FBXO38: variants seen among roughly 807,000 people sequenced by gnomAD.
FBXO38 encodes the protein F-box protein 38.
Under a neutral mutation model 131.9 loss-of-function variants are expected in FBXO38, and 53 were observed. The ratio of observed to expected loss-of-function variants is 0.40; its 90% CI spans 0.32 to 0.51. The LOEUF is 0.51. Among genes scored for constraint, FBXO38 ranks in the 20% least tolerant of loss-of-function variants. The pLI is 0.53. For synonymous variants in FBXO38, 452 were observed against 505.6 expected, an observed-to-expected ratio of 0.89 and a Z score of 1.42; for missense variants, 1,076 against 1,475.6, an observed-to-expected ratio of 0.73 and a Z score of 4.44.
intron 1 of FBXO38, among the ~76,000 whole-genome samples, chr5:148,385,620 T>TTTTTG (rs1475112797): frequency 3.3e-5 from 5 of 151,574 alleles, no homozygotes; most frequent in African/African-American, 9.7e-5. Flanking sequence ...TGTTGGGGGG[T>TTTTTG]TTTTGTTTTG....
At chr5:148,396,319 AGAAAG>A (rs1461537099) in intron 2 of FBXO38, among the ~76,000 whole-genome samples, 2 of 152,216 alleles carry the variant, frequency 1.3e-5, no homozygotes, top group Non-Finnish European at 2.9e-5. Context: ...GTTTTGGAAA[AGAAAG>A]CTGGACAGTT....
At chr5:148,419,903 A>C (rs994657793) in intron 12 of FBXO38, among the ~76,000 whole-genome samples, 1 of 152,084 alleles carries the variant, frequency 6.6e-6, no homozygotes, top group African/African-American at 2.4e-5. Flanking sequence ...AAAGCTATTT[A>C]ATTTGTATAA....
At chr5:148,388,924 C>A (rs1372524033) in intron 1 of FBXO38, among the ~76,000 whole-genome samples, 1 of 152,242 alleles carries the variant, frequency 6.6e-6, no homozygotes, top group South Asian at 2.1e-4. Flanking sequence ...AACATGACTT[C>A]CTCACTAAGG....
intron 1 of FBXO38, chr5:148,384,727 T>C (rs1757821638): frequency 6.6e-6 from 1 of 152,252 alleles, no homozygotes; most frequent in Non-Finnish European, 1.5e-5. Context: ...AGAATTTGAC[T>C]AAGAGATGTC....
chr5:148,385,543 C>G (rs1431339194), intron 1 of FBXO38, among the ~76,000 whole-genome samples: 2 of 152,218 alleles, frequency 1.3e-5, no homozygotes, highest in African/African-American at 4.8e-5. Context: ...CTAGGCCTCA[C>G]TTTCCTTATC....
chr5:148,425,438 G>A (rs1753657746), intron 13 of FBXO38, 84 bp from the exon 14 acceptor site: 2 of 1,079,260 alleles, frequency 1.9e-6, no homozygotes, highest in Admixed American at 4.2e-5. Flanking sequence ...CATCTCTGTT[G>A]ATTCCAGATC....
intron 1 of FBXO38, among the ~76,000 whole-genome samples, chr5:148,387,338 A>G (rs1035522651): frequency 1.3e-5 from 2 of 152,204 alleles, no homozygotes; most frequent in Non-Finnish European, 2.9e-5. Flanking sequence ...TTCAAGTTTT[A>G]TCATGAGATT....
chr5:148,384,108 G>C (rs1757781906), intron 1 of FBXO38, 69 bp downstream of exon 1: 1 of 153,056 alleles, frequency 6.5e-6, no homozygotes, highest in Non-Finnish European at 1.5e-5. Flanking sequence ...CGTGCGGCAG[G>C]GCTGAGGTAG....
At chr5:148,405,740 C>G (rs1752412731) in intron 6 of FBXO38, among the ~76,000 whole-genome samples, 1 of 152,160 alleles carries the variant, frequency 6.6e-6, no homozygotes, top group African/African-American at 2.4e-5. Flanking sequence ...CTTTTCTCCT[C>G]TTTCTTTTTC....
chr5:148,437,872 C>G (rs1416355435), intron 17 of FBXO38, among the ~76,000 whole-genome samples: 2 of 150,894 alleles, frequency 1.3e-5, no homozygotes. Context: ...AGCTTTAGAC[C>G]AAAGTATCCA....
chr5:148,416,163 T>C (rs998514819), intron 11 of FBXO38, 93 bp downstream of exon 11: 41 of 1,282,284 alleles, frequency 3.2e-5, no homozygotes, highest in Non-Finnish European at 4.0e-5. Context: ...TTCAATGATA[T>C]GCCTTTACGG....
Position 148,427,875 on chromosome 5 carries a change from G to A in FBXO38, c.2581G>A (p.Glu861Lys), listed in dbSNP as rs1753817562. The A allele has an allele frequency of 6.4e-7, 1 of 1,568,474 alleles. No homozygotes were observed. The highest frequency in any genetic ancestry group is 8.6e-7 in the Non-Finnish European group (1 of 1,159,972). The change falls in exon 15 of 22, where the codon GAA becomes AAA. Residue 861 changes from glutamate (E) to lysine (K), a missense_variant. Physicochemically the swap from Glu to Lys is moderately conservative, Grantham distance 56. Around this residue, in one of 8 missense-constraint regions of FBXO38, gnomAD observed 282 missense variants for 418.8 expected, o/e 0.67. Transcript: ENST00000340253. ...TGAGAGTTGTGACGTGCAGTCTAAT[G>A]AAGACTACCCTCGGAGGCCCCTAAC... ...QPESCDVQSN[E>K]DYPRRPLTRA... is the part of the protein sequence containing the mutation.
intron 10 of FBXO38, 53 bp downstream of exon 10, chr5:148,414,359 A>G: frequency 7.3e-7 from 1 of 1,364,820 alleles, no homozygotes; most frequent in Non-Finnish European, 9.9e-7. Context: ...AAATAATACA[A>G]CTTTCCATGT....
intron 5 of FBXO38, among the ~76,000 whole-genome samples, chr5:148,404,435 A>G (rs1171363991): frequency 2.0e-5 from 3 of 152,192 alleles, no homozygotes; most frequent in Admixed American, 6.5e-5. Context: ...ACATAGAAAT[A>G]CTTTTTAAAC....
At chr5:148,428,801 G>T (rs1753869229) in intron 15 of FBXO38, among the ~76,000 whole-genome samples, 1 of 152,272 alleles carries the variant, frequency 6.6e-6, no homozygotes, top group Non-Finnish European at 1.5e-5. Context: ...AAGCTTTCAT[G>T]AGATACATTT....
intron 9 of FBXO38, among the ~76,000 whole-genome samples, chr5:148,412,579 G>A (rs908447596): frequency 3.3e-5 from 5 of 152,054 alleles, no homozygotes; most frequent in Non-Finnish European, 5.9e-5. Context: ...TGATAGAGAC[G>A]TATAACTCAG....
rs369142719 is a variant in FBXO38 at position 148,433,740 on chromosome 5, A to G, written c.2857+3A>G. ...TCCAAAGATGATGTTCATCCATGGT[A>G]TGTATTTGGGCCCATATTATACAAG... On this transcript the variant is annotated splice_donor_region_variant and intron_variant, in intron 17 of 21. Transcript: ENST00000340253. 6 of 1,558,262 alleles carry G rather than the reference A, an allele frequency of 3.9e-6. No individual in the cohort carries two copies. The African/African-American group carries it at 8.2e-5, about 21-fold the overall frequency.
At chr5:148,392,434 A>C (rs1169950196) in intron 1 of FBXO38, among the ~76,000 whole-genome samples, 1 of 152,148 alleles carries the variant, frequency 6.6e-6, no homozygotes, top group African/African-American at 2.4e-5. Flanking sequence ...AGGGTTCGTG[A>C]TATGAAGGAG....
intron 6 of FBXO38, among the ~76,000 whole-genome samples, 158 bp downstream of exon 6, chr5:148,404,980 A>G (rs1417985556): frequency 6.6e-6 from 1 of 151,692 alleles, no homozygotes; most frequent in Non-Finnish European, 1.5e-5. Context: ...TTTTTGTTTT[A>G]AAGACATTAG....
Sources: gnomAD v4.1 joint callset for allele counts (sites outside exome capture counted in the v4.1 genomes callset) on GRCh38, gnomAD v4.1.1 for gene constraint, gnomAD v4.1.1 regional missense constraint, MANE v1.5 for transcripts, NCBI Gene and HGNC (gene_info 2026-07-23, HGNC 2026-07-21) for gene names.